The following PHACTR4 variants were observed in gnomAD, a reference collection of about 807,000 sequenced individuals.
PHACTR4 encodes the protein phosphatase and actin regulator 4, also known as protein phosphatase 1, regulatory subunit 124.
A neutral mutation model predicts 72.7 loss-of-function variants in PHACTR4; 51 were observed. The ratio of observed to expected loss-of-function variants is 0.70; its 90% confidence interval spans 0.56 to 0.89. The LOEUF is 0.89. PHACTR4 is among the 40% of genes least tolerant of loss of function. PHACTR4 has a pLI of 0.00. For synonymous variants in PHACTR4, 255 were observed against 302.5 expected, an observed-to-expected ratio of 0.84 and a Z score of 1.63; for missense variants, 731 against 861.8, an observed-to-expected ratio of 0.85 and a Z score of 1.90.
At chr1:28,483,053 TCTTTA>T (rs1660379242) in intron 9 of PHACTR4, among the ~76,000 whole-genome samples, 1 of 151,998 alleles carries the variant, frequency 6.6e-6, no homozygotes, top group Non-Finnish European at 1.5e-5. Context: ...CTCTGCAATT[TCTTTA>T]CTTAAACATA....
rs1402715028 is a variant in PHACTR4 at position 28,480,611 on chromosome 1, C to G, written c.1760+7C>G. On this transcript the variant is annotated splice_region_variant and intron_variant, in intron 9 of 13. Coordinates refer to ENST00000373839, the MANE Select transcript of PHACTR4 (RefSeq NM_001048183.3). Reference sequence around the variant, plus strand: ...TTGGAAACACACTGATCCGGTAGGCCTTTGCTTAGATTTGCTTGATTGATT... The same window carrying G: ...TTGGAAACACACTGATCCGGTAGGCGTTTGCTTAGATTTGCTTGATTGATT... 3 of 1,613,676 alleles carry G rather than the reference C, an allele frequency of 1.9e-6. No individual in the cohort carries two copies. The highest frequency in any genetic ancestry group is 1.3e-5 in the African/African-American group (1 of 74,900).
chr1:28,422,408 G>T (rs571832397), intron 2 of PHACTR4: 20 of 152,332 alleles, frequency 1.3e-4, no homozygotes, highest in African/African-American at 4.8e-4. Context: ...TGGAGGATGT[G>T]TATAGGTTAT....
chr1:28,491,468 AC>A (rs1481073642), intron 11 of PHACTR4, among the ~76,000 whole-genome samples, 181 bp from the exon 12 acceptor site: 1 of 151,698 alleles, frequency 6.6e-6, no homozygotes, highest in Non-Finnish European at 1.5e-5. Context: ...AAAAAAAAAA[AC>A]AAAACAAAAA....
At chr1:28,426,859 AT>A in intron 2 of PHACTR4, among the ~76,000 whole-genome samples, 1 of 152,224 alleles carries the variant, frequency 6.6e-6, no homozygotes, top group South Asian at 2.1e-4. Flanking sequence ...CCGTGGAAGA[AT>A]TCTGAGTGGG....
At chr1:28,474,287 A>G (rs1659775787) in intron 7 of PHACTR4, 136 bp downstream of exon 7, 1 of 794,062 alleles carries the variant, frequency 1.3e-6, no homozygotes, top group Non-Finnish European at 2.0e-6. Context: ...TGGGAAGCTG[A>G]GGCAAATGGA....
chr1:28,448,589 TA>T (rs747826049), intron 2 of PHACTR4, among the ~76,000 whole-genome samples: 1,083 of 95,814 alleles, frequency 0.011, 19 homozygotes, highest in African/African-American at 0.038. Context: ...CATCTCTACT[TA>T]AAAAAAAAAA....
intron 3 of PHACTR4, 142 bp from the exon 4 acceptor site, chr1:28,460,070 A>G: frequency 2.0e-6 from 1 of 508,832 alleles, no homozygotes; most frequent in Middle Eastern, 4.0e-4. Context: ...TTTTAATTTG[A>G]AGTTAGTCTG....
At chr1:28,430,404 T>C (rs528968752) in intron 2 of PHACTR4, among the ~76,000 whole-genome samples, 68 of 152,300 alleles carry the variant, frequency 4.5e-4, no homozygotes, top group African/African-American at 1.6e-3. Context: ...GAGCAATTTG[T>C]ACAAATAGAT....
intron 2 of PHACTR4, among the ~76,000 whole-genome samples, chr1:28,445,534 CT>C (rs780985591): frequency 4.0e-5 from 6 of 151,582 alleles, no homozygotes; most frequent in Admixed American, 6.6e-5. Flanking sequence ...CACTAATTAA[CT>C]TTTCCCCCCA....
At chr1:28,470,509 G>A (rs1455919869) in intron 6 of PHACTR4, among the ~76,000 whole-genome samples, 2 of 151,050 alleles carry the variant, frequency 1.3e-5, no homozygotes, top group Non-Finnish European at 2.9e-5. Context: ...AGGCAACATG[G>A]AGAAACCCAT....
intron 2 of PHACTR4, among the ~76,000 whole-genome samples, chr1:28,450,303 T>TC (rs1657847291): frequency 1.3e-5 from 2 of 151,756 alleles, no homozygotes; most frequent in Non-Finnish European, 1.5e-5. Context: ...TTTTTTTTTT[T>TC]CACTCATAGA....
At chr1:28,399,117 G>C (rs1357197618) in intron 1 of PHACTR4, among the ~76,000 whole-genome samples, 1 of 152,054 alleles carries the variant, frequency 6.6e-6, no homozygotes, top group Non-Finnish European at 1.5e-5. Flanking sequence ...TTCAAGACCA[G>C]CCTGGCCAAC....
chr1:28,405,369 C>G lies in PHACTR4; in HGVS notation c.-38-2041C>G, dbSNP rs545535698. ...TGAGACCGAATCTTACTCTGTTGCC[C>G]AGGCTAGAGTTCAGTGGCATGTTCT... On this transcript the variant is annotated intron_variant, in intron 1 of 13. Transcript: ENST00000373839. 3.3e-5 allele frequency among the ~76,000 whole-genome samples: 5 copies of G among 152,032 alleles called. No individual in the cohort carries two copies. The East Asian group carries it at 9.8e-4, about 30-fold the overall frequency.
chr1:28,379,191 G>C (rs1447699345), intron 1 of PHACTR4, among the ~76,000 whole-genome samples: 1 of 152,002 alleles, frequency 6.6e-6, no homozygotes, highest in Admixed American at 6.6e-5. Flanking sequence ...CTAGGCTTAA[G>C]CGATCTTCCT....
chr1:28,483,706 G>C (rs1172922154), intron 9 of PHACTR4, among the ~76,000 whole-genome samples: 2 of 150,290 alleles, frequency 1.3e-5, no homozygotes, highest in Non-Finnish European at 2.9e-5. Context: ...GGCTGAGGCA[G>C]GAGAATGGCA....
chr1:28,468,372 C>T (rs1244676967), intron 6 of PHACTR4, among the ~76,000 whole-genome samples: 1 of 152,028 alleles, frequency 6.6e-6, no homozygotes, highest in Non-Finnish European at 1.5e-5. Context: ...GGGTGGATCA[C>T]CTGAGGTCAG....
intron 2 of PHACTR4, among the ~76,000 whole-genome samples, chr1:28,418,176 A>G (rs1373314375): frequency 3.9e-5 from 6 of 151,918 alleles, no homozygotes; most frequent in Middle Eastern, 3.4e-3. Flanking sequence ...AGAAAAATAC[A>G]TTTGTCCGGC....
intron 1 of PHACTR4, among the ~76,000 whole-genome samples, chr1:28,397,274 A>C (rs1028958822): frequency 6.6e-6 from 1 of 152,236 alleles, no homozygotes; most frequent in Non-Finnish European, 1.5e-5. Flanking sequence ...TTCTCATTAA[A>C]GATGAGTATT....
chr1:28,436,657 G>A (rs1165884409), intron 2 of PHACTR4, among the ~76,000 whole-genome samples: 1 of 152,110 alleles, frequency 6.6e-6, no homozygotes, highest in Non-Finnish European at 1.5e-5. Flanking sequence ...GTTATGTGGA[G>A]GTTATGTTAA....
Sources: allele counts gnomAD v4.1 joint callset (sites outside exome capture counted in the v4.1 genomes callset), GRCh38; gene constraint gnomAD v4.1.1; transcripts MANE v1.5; gene names NCBI Gene and HGNC (gene_info 2026-07-23, HGNC 2026-07-21).